Variants in ATP9B observed in about 807,000 individuals in gnomAD.
ATP9B encodes the protein probable phospholipid-transporting ATPase IIB.
In ATP9B, 110 loss-of-function variants were observed where a neutral mutation model predicts 146.1. The observed-to-expected ratio is 0.75, with a 90% CI of 0.65 to 0.88. The LOEUF is 0.88. Ranked by LOEUF, ATP9B falls within the 40% of genes least tolerant of loss-of-function variation. The probability of loss-of-function intolerance (pLI) is 0.00; values close to 1 mark genes in which losing one functional copy is unlikely to be tolerated. For missense variants in ATP9B, 1,499 were observed against 1,496.4 expected (o/e 1.00, Z -0.03); for synonymous variants, 604 against 569.7 (o/e 1.06, Z -0.86).
At chr18:79,266,917 A>C (rs549787377) in intron 12 of ATP9B, among the ~76,000 whole-genome samples, 1 of 152,162 alleles carries the variant, frequency 6.6e-6, no homozygotes, top group South Asian at 2.1e-4. Flanking sequence ...TTTAATTTTC[A>C]TACCATTTTT....
Position 79,240,349 on chromosome 18 carries a change from A to G in ATP9B, c.1108-13032A>G, listed in dbSNP as rs73973021. 5.1e-3 allele frequency among the ~76,000 whole-genome samples: 776 copies of G among 152,378 alleles called. 12 individuals carry two copies. Among genetic ancestry groups the G allele is most frequent in the African/African-American group, 0.017 (705 of 41,590 alleles). On this transcript the variant is annotated intron_variant, in intron 11 of 29. Coordinates refer to ENST00000426216, the MANE Select transcript of ATP9B (RefSeq NM_198531.5). The stretch of plus-strand genomic sequence containing the variant: ...TAGAAAATTCAGCCTGTTTTATTTC[A>G]TGAGCTTTACCACATCCAAATAAAA...
intron 7 of ATP9B, among the ~76,000 whole-genome samples, chr18:79,162,150 A>C (rs900224820): frequency 2.6e-5 from 4 of 152,232 alleles, no homozygotes; most frequent in African/African-American, 9.6e-5. Flanking sequence ...ACAATATTTT[A>C]AATCTTAGGT....
intron 7 of ATP9B, among the ~76,000 whole-genome samples, chr18:79,164,629 G>A (rs1469044724): frequency 6.6e-6 from 1 of 152,212 alleles, no homozygotes; most frequent in Non-Finnish European, 1.5e-5. Context: ...TGCGGCAGGA[G>A]AATGGTGTGA....
intron 10 of ATP9B, among the ~76,000 whole-genome samples, chr18:79,211,838 G>A (rs1308971546): frequency 6.6e-6 from 1 of 152,204 alleles, no homozygotes; most frequent in African/African-American, 2.4e-5. Flanking sequence ...AGTTTCTCCA[G>A]TTGGAGCGCG....
rs372395963 is a variant in ATP9B at position 79,208,170 on chromosome 18, G to A, written c.1030+1158G>A. Among the ~76,000 whole-genome samples, 367 of 152,286 alleles carry A rather than the reference G, an allele frequency of 2.4e-3. 2 individuals carry two copies. The highest frequency in any genetic ancestry group is 6.4e-3 in the South Asian group (31 of 4,822). Reference sequence around the variant, plus strand: ...TGAGGCAGGAGAATGGCGGGAACCCGGGAGCCGGAGCTTGCAGTGAACCGA... The same window carrying A: ...TGAGGCAGGAGAATGGCGGGAACCCAGGAGCCGGAGCTTGCAGTGAACCGA... On this transcript the variant is annotated intron_variant, in intron 10 of 29. Transcript: ENST00000426216.
chr18:79,186,951 C>T (rs1568358865), intron 8 of ATP9B, among the ~76,000 whole-genome samples: 1 of 152,232 alleles, frequency 6.6e-6, no homozygotes, highest in African/African-American at 2.4e-5. Flanking sequence ...TGTGTGTTCT[C>T]TGCTGACAGG....
intron 15 of ATP9B, among the ~76,000 whole-genome samples, chr18:79,327,888 C>A (rs62096815): frequency 0.063 from 3,369 of 53,334 alleles, 1,349 homozygotes; most frequent in East Asian, 0.21. Context: ...ATAGTGTGCT[C>A]TCCGTGGTTA....
At chr18:79,346,396 A>T (rs1450448124) in intron 23 of ATP9B, among the ~76,000 whole-genome samples, 1 of 150,110 alleles carries the variant, frequency 6.7e-6, no homozygotes, top group East Asian at 2.0e-4. Flanking sequence ...GTTTAGCACT[A>T]CTATGCTTGG....
chr18:79,119,023 A>T (rs892227274), intron 4 of ATP9B, among the ~76,000 whole-genome samples: 2 of 151,436 alleles, frequency 1.3e-5, no homozygotes, highest in Non-Finnish European at 2.9e-5. Flanking sequence ...GTGAGCCATG[A>T]TTGCGCCACT....
intron 1 of ATP9B, among the ~76,000 whole-genome samples, chr18:79,077,249 C>T (rs67697582): frequency 0.25 from 37,969 of 151,950 alleles, 5,082 homozygotes; most frequent in East Asian, 0.5. Flanking sequence ...AAATCTTCTG[C>T]TTATCGGGCC....
rs558390319 is a variant in ATP9B, at chr18:79,098,532, A to C, written c.293+1883A>C. Among the ~76,000 whole-genome samples, 4 of 151,772 alleles carry C rather than the reference A, an allele frequency of 2.6e-5. No individual in the cohort carries two copies. In the East Asian group the frequency reaches 7.8e-4, roughly 29 times the overall value. On this transcript the variant is annotated intron_variant, in intron 2 of 29. Coordinates refer to ENST00000426216, the MANE Select transcript of ATP9B (RefSeq NM_198531.5). ...ATCTACAATGAACTCAAACAAATTT[A>C]CAAGAAGAAAACAAACAACCCCATC...
chr18:79,339,756 G>A (rs1568748096), intron 19 of ATP9B, among the ~76,000 whole-genome samples: 1 of 151,232 alleles, frequency 6.6e-6, no homozygotes, highest in African/African-American at 2.4e-5. Flanking sequence ...TCATGAGGCT[G>A]TATCATATCC....
intron 11 of ATP9B, among the ~76,000 whole-genome samples, chr18:79,229,497 A>G (rs2095768838): frequency 6.6e-6 from 1 of 152,242 alleles, no homozygotes. Flanking sequence ...GATCAATTTA[A>G]TATGTTTTTA....
chr18:79,108,606 G>C (rs971070523), intron 2 of ATP9B, among the ~76,000 whole-genome samples: 5 of 152,172 alleles, frequency 3.3e-5, no homozygotes, highest in African/African-American at 1.2e-4. Context: ...AAGGGTGGGG[G>C]GAGCTGGCTT....
At chr18:79,163,887 C>A (rs967617921) in intron 7 of ATP9B, among the ~76,000 whole-genome samples, 2 of 151,470 alleles carry the variant, frequency 1.3e-5, no homozygotes, top group South Asian at 2.1e-4. Flanking sequence ...CACACACACA[C>A]ACACACACAC....
At chr18:79,277,238 G>A (rs2096321239) in intron 13 of ATP9B, 42 bp downstream of exon 13, 1 of 1,606,524 alleles carries the variant, frequency 6.2e-7, no homozygotes, top group Non-Finnish European at 8.5e-7. Context: ...TGGACAAAAT[G>A]ACATTTAATA....
At chr18:79,243,456 A>G (rs557107193) in intron 11 of ATP9B, among the ~76,000 whole-genome samples, 5 of 152,372 alleles carry the variant, frequency 3.3e-5, no homozygotes, top group African/African-American at 1.2e-4. Context: ...TAGGTGCCAG[A>G]TATCTGGAGA....
At chr18:79,323,987 T>G (rs2146953138) in intron 15 of ATP9B, among the ~76,000 whole-genome samples, 1 of 152,296 alleles carries the variant, frequency 6.6e-6, no homozygotes, top group Middle Eastern at 3.4e-3. Context: ...ATAGAAGCCG[T>G]TTTAACTGGG....
chr18:79,191,837 G>A (rs2095369731), intron 8 of ATP9B, among the ~76,000 whole-genome samples: 9 of 152,080 alleles, frequency 5.9e-5, no homozygotes. Context: ...TGGACCTTGT[G>A]TTTTTGTTTC....
Sources: allele counts gnomAD v4.1 joint callset (sites outside exome capture counted in the v4.1 genomes callset), GRCh38; gene constraint gnomAD v4.1.1; transcripts MANE v1.5; gene names NCBI Gene and HGNC (gene_info 2026-07-23, HGNC 2026-07-21).